The following EPB41L2 variants were observed in gnomAD, a reference collection of about 807,000 sequenced individuals.
EPB41L2 encodes erythrocyte membrane protein band 4.1 like 2, also known as band 4.1-like protein 2.
In EPB41L2, 43 loss-of-function variants were observed where a neutral mutation model predicts 113.0. That is an observed-to-expected ratio of 0.38 (90% confidence interval 0.30 to 0.49). EPB41L2 has a LOEUF of 0.49. Ranked by LOEUF, EPB41L2 falls within the 20% of genes least tolerant of loss-of-function variation. EPB41L2 has a pLI of 0.95. For synonymous variants in EPB41L2, 442 were observed against 436.7 expected (o/e 1.01, Z -0.15); for missense variants, 1,147 against 1,223.4 (o/e 0.94, Z 0.93).
At chr6:130,859,731 T>A (rs1781420664) in intron 18 of EPB41L2, among the ~76,000 whole-genome samples, 2 of 147,236 alleles carry the variant, frequency 1.4e-5, no homozygotes, top group Non-Finnish European at 3.0e-5. Flanking sequence ...CTCGTTTCGT[T>A]TAAAAAAAGG....
intron 19 of EPB41L2, among the ~76,000 whole-genome samples, chr6:130,850,054 A>G (rs1778318254): frequency 1.3e-5 from 2 of 152,198 alleles, no homozygotes; most frequent in Non-Finnish European, 2.9e-5. Flanking sequence ...CCTGGCCAAC[A>G]TAGGGAAACC....
intron 4 of EPB41L2, 44 bp from the exon 5 acceptor site, chr6:130,908,907 T>C: frequency 6.9e-7 from 1 of 1,439,442 alleles, no homozygotes. Context: ...TATTCTAGAG[T>C]CTAAAATAGA....
At chr6:130,992,027 G>C (rs1781990497) in intron 1 of EPB41L2, among the ~76,000 whole-genome samples, 1 of 151,942 alleles carries the variant, frequency 6.6e-6, no homozygotes, top group Admixed American at 6.6e-5. Flanking sequence ...AGAAAAAAAA[G>C]AAAATCTTTC....
intron 1 of EPB41L2, among the ~76,000 whole-genome samples, chr6:130,986,813 T>C (rs1299640131): frequency 2.0e-5 from 3 of 152,220 alleles, no homozygotes; most frequent in Non-Finnish European, 4.4e-5. Context: ...CTGAACTGTA[T>C]ATTTTAAAAT....
At chr6:130,917,285 T>G (rs1363421399) in intron 4 of EPB41L2, among the ~76,000 whole-genome samples, 1 of 152,212 alleles carries the variant, frequency 6.6e-6, no homozygotes, top group African/African-American at 2.4e-5. Flanking sequence ...CAAACTTTAG[T>G]CAGGCTCCTC....
rs75474274 is a variant in EPB41L2, at chr6:130,867,403, A to G, written c.2730+56T>C. ...AACTAAGAGAAGAAAGAATGAAAAC[A>G]TAGATACACTAAGGGAAAAAAGAGC... is the stretch of plus-strand genomic sequence containing the variant. On this transcript the variant is annotated intron_variant, in intron 16 of 19. Transcript: ENST00000337057. 828 of 1,578,508 alleles carry G rather than the reference A, an allele frequency of 5.2e-4. 4 individuals carry two copies. In the East Asian group the frequency reaches 0.014, roughly 27 times the overall value.
At chr6:131,032,951 C>T (rs1381136833) in intron 1 of EPB41L2, among the ~76,000 whole-genome samples, 6 of 152,226 alleles carry the variant, frequency 3.9e-5, no homozygotes, top group African/African-American at 1.4e-4. Context: ...TCTCAGCTTA[C>T]TGCAACCTCT....
At chr6:130,972,316 T>A (rs1330214311) in intron 1 of EPB41L2, among the ~76,000 whole-genome samples, 5 of 82,698 alleles carry the variant, frequency 6.0e-5, no homozygotes, top group African/African-American at 1.1e-4. Context: ...AGAATGAGAC[T>A]CCATCTCAAA....
chr6:130,911,268 C>T (rs1367152881), intron 4 of EPB41L2, among the ~76,000 whole-genome samples: 1 of 152,078 alleles, frequency 6.6e-6, no homozygotes, highest in Non-Finnish European at 1.5e-5. Flanking sequence ...AGCAAACTAA[C>T]ACAGGAACAG....
Position 130,858,117 on chromosome 6 carries a change from G to T in EPB41L2, c.*5+14C>A. The T allele has an allele frequency of 6.3e-7, 1 of 1,595,066 alleles. No homozygotes were observed. The highest frequency in any genetic ancestry group is 1.1e-5 in the South Asian group (1 of 90,568). ...AGTCACTAGAAAGGCCACAGACAATGAGGGCTCTCTTACCTTACTTAATCT... is the reference window on the plus strand; with the variant it reads ...AGTCACTAGAAAGGCCACAGACAATTAGGGCTCTCTTACCTTACTTAATCT... On this transcript the variant is annotated intron_variant, in intron 19 of 19. Coordinates refer to ENST00000337057, the MANE Select transcript of EPB41L2 (RefSeq NM_001431.4).
intron 14 of EPB41L2, among the ~76,000 whole-genome samples, chr6:130,876,057 C>T (rs1023361581): frequency 6.6e-5 from 10 of 151,730 alleles, no homozygotes; most frequent in African/African-American, 2.4e-4. Flanking sequence ...CTCCACTAGA[C>T]TCCAAGCTCT....
intron 4 of EPB41L2, among the ~76,000 whole-genome samples, chr6:130,924,687 C>G (rs1455824335): frequency 1.3e-5 from 2 of 152,036 alleles, no homozygotes; most frequent in Non-Finnish European, 2.9e-5. Context: ...GCCACTAGTT[C>G]TATTTTTAAT....
Position 130,869,573 on chromosome 6 carries a change from C to T in EPB41L2, c.2597G>A (p.Cys866Tyr). 3 of 1,613,926 alleles carry T rather than the reference C, an allele frequency of 1.9e-6. No individual in the cohort carries two copies. The highest frequency in any genetic ancestry group is 1.7e-4 in the Middle Eastern group (1 of 6,060). Residue 866 changes from cysteine (C) to tyrosine (Y), a missense_variant, in exon 15 of 20, where the codon TGT becomes TAT. Physicochemically the swap from Cys to Tyr is radical, Grantham distance 194. Coordinates refer to ENST00000337057, the MANE Select transcript of EPB41L2 (RefSeq NM_001431.4). Reference protein sequence around the residue: ...VDIDVLPQIICCSEPPVVKTE... With the variant: ...VDIDVLPQIIYCSEPPVVKTE... ...GGGACTCCCATTTACCTCTGAACAA[C>T]AAATAATTTGTGGCAAAACATCAAT...
intron 1 of EPB41L2, among the ~76,000 whole-genome samples, chr6:131,047,763 C>T (rs1795737196): frequency 6.6e-6 from 1 of 152,114 alleles, no homozygotes; most frequent in Admixed American, 6.5e-5. Flanking sequence ...GAATATTTTG[C>T]TTGGTCTAGT....
intron 1 of EPB41L2, among the ~76,000 whole-genome samples, chr6:131,039,194 T>G (rs1246003130): frequency 3.3e-5 from 5 of 152,188 alleles, no homozygotes; most frequent in African/African-American, 1.2e-4. Context: ...TGACCTTCTC[T>G]CAACAGAATG....
At chr6:130,848,355 T>A (rs115014716) in intron 19 of EPB41L2, among the ~76,000 whole-genome samples, 23 of 152,144 alleles carry the variant, frequency 1.5e-4, no homozygotes, top group African/African-American at 5.5e-4. Context: ...GCAATGAATG[T>A]GAGCCACATA....
chr6:130,942,930 GC>G (rs1811386917), intron 3 of EPB41L2, among the ~76,000 whole-genome samples: 1 of 152,184 alleles, frequency 6.6e-6, no homozygotes, highest in Non-Finnish European at 1.5e-5. Context: ...ACGAACTGAT[GC>G]TTTTTTATGG....
At chr6:131,054,715 A>G (rs1278739333) in intron 1 of EPB41L2, among the ~76,000 whole-genome samples, 2 of 152,382 alleles carry the variant, frequency 1.3e-5, no homozygotes, top group African/African-American at 4.8e-5. Context: ...AGGAAGGGAC[A>G]AACATGGAAA....
chr6:130,961,522 A>G (rs1475923979), intron 1 of EPB41L2, among the ~76,000 whole-genome samples: 1 of 152,202 alleles, frequency 6.6e-6, no homozygotes, highest in African/African-American at 2.4e-5. Flanking sequence ...ACCATATAAC[A>G]TCATGCTACT....
Sources: gnomAD v4.1 joint callset for allele counts (sites outside exome capture counted in the v4.1 genomes callset) on GRCh38, gnomAD v4.1.1 for gene constraint, MANE v1.5 for transcripts, NCBI Gene and HGNC (gene_info 2026-07-23, HGNC 2026-07-21) for gene names.